The following SNRK variants were observed in gnomAD, a reference collection of about 807,000 sequenced individuals.
SNRK encodes the protein SNF-related serine/threonine-protein kinase.
In SNRK, 3 loss-of-function variants were observed where a neutral mutation model predicts 48.2. The observed-to-expected ratio is 0.06, with a 90% CI of 0.03 to 0.16. SNRK has a LOEUF of 0.16. Ranked by LOEUF, SNRK falls within the 10% of genes least tolerant of loss-of-function variation. The pLI is 1.00. For synonymous variants in SNRK, 376 were observed against 366.1 expected (o/e 1.03, Z -0.31); for missense variants, 627 against 976.0 (o/e 0.64, Z 4.76).
chr3:43,313,250 A>G (rs534238705), intron 3 of SNRK, among the ~76,000 whole-genome samples: 10 of 152,322 alleles, frequency 6.6e-5, no homozygotes, highest in Non-Finnish European at 1.5e-5. Context: ...TGTATTCACA[A>G]AAATCTGTAC....
chr3:43,324,624 G>T (rs566387815), intron 3 of SNRK, among the ~76,000 whole-genome samples: 51 of 152,052 alleles, frequency 3.4e-4, no homozygotes, highest in Middle Eastern at 3.2e-3. Flanking sequence ...ATATTTGAGA[G>T]AACTTTTCTA....
Position 43,303,199 on chromosome 3 carries a change from C to G in SNRK, c.-5C>G. ...TCTAAATATTTTTTCTTCTGTTGGA[C>G]CAGCATGGCAGGATTTAAGCGAGGG... On this transcript the variant is annotated 5_prime_UTR_variant, in exon 3 of 7. Transcript: ENST00000296088. This position sits in a 1 kb window ranked among gnomAD's most constrained non-coding sequence, Gnocchi z 6.2. The G allele has an allele frequency of 1.6e-5, 26 of 1,604,160 alleles. No individual in the cohort carries two copies. The highest frequency in any genetic ancestry group is 2.2e-5 in the Non-Finnish European group (26 of 1,172,578).
chr3:43,290,539 T>C (rs1351442495), intron 1 of SNRK, among the ~76,000 whole-genome samples: 1 of 152,210 alleles, frequency 6.6e-6, no homozygotes, highest in African/African-American at 2.4e-5. Context: ...ATGTGTCTCC[T>C]CCACAACATC....
At chr3:43,304,157 A>C (rs1161277776) in intron 3 of SNRK, among the ~76,000 whole-genome samples, 4 of 152,166 alleles carry the variant, frequency 2.6e-5, no homozygotes. Context: ...CAATCATTGG[A>C]GACCCATATT....
chr3:43,328,710 T>G (rs1384191121), intron 3 of SNRK, among the ~76,000 whole-genome samples: 1 of 152,200 alleles, frequency 6.6e-6, no homozygotes, highest in African/African-American at 2.4e-5. Flanking sequence ...TTACTAAGAA[T>G]AAGAAGCTTT....
At chr3:43,317,397 C>T (rs1019220800) in intron 3 of SNRK, among the ~76,000 whole-genome samples, 1 of 152,104 alleles carries the variant, frequency 6.6e-6, no homozygotes, top group African/African-American at 2.4e-5. Flanking sequence ...GGAGAGAATT[C>T]CTTGGGTCAG....
intron 6 of SNRK, among the ~76,000 whole-genome samples, chr3:43,346,231 TTAA>T (rs1351986085): frequency 1.3e-5 from 2 of 152,260 alleles, no homozygotes; most frequent in African/African-American, 4.8e-5. Flanking sequence ...AAATTTTTTT[TTAA>T]TGACAGGTTT....
chr3:43,289,533 C>T (rs986919284), intron 1 of SNRK, among the ~76,000 whole-genome samples: 2 of 152,166 alleles, frequency 1.3e-5, no homozygotes, highest in Admixed American at 6.5e-5. Flanking sequence ...AATGGCCTCA[C>T]GAGTGAGCAC....
chr3:43,345,788 A>G (rs2091271086), intron 6 of SNRK, among the ~76,000 whole-genome samples: 1 of 152,226 alleles, frequency 6.6e-6, no homozygotes, highest in African/African-American at 2.4e-5. Context: ...GAGTTGTCAA[A>G]TCAAGTAGCT....
chr3:43,312,631 T>C (rs1030968538), intron 3 of SNRK, among the ~76,000 whole-genome samples: 1 of 152,200 alleles, frequency 6.6e-6, no homozygotes, highest in Admixed American at 6.6e-5. Context: ...CTGAAAGTTA[T>C]ATAAAGATAG....
In SNRK at chr3:43,303,871, T is replaced by C; in HGVS notation, c.589+79T>C. The C allele has an allele frequency of 1.9e-6, 2 of 1,055,760 alleles. No homozygotes were observed. Among genetic ancestry groups the C allele is most frequent in the Non-Finnish European group, 2.8e-6 (2 of 719,510 alleles). The allele number at this position is 1,055,760 out of a possible 1,614,324, so 65.4% of individuals were successfully genotyped here. On this transcript the variant is annotated intron_variant, in intron 3 of 6. Coordinates refer to ENST00000296088, the MANE Select transcript of SNRK (RefSeq NM_017719.5). This position sits in a 1 kb window ranked among gnomAD's most constrained non-coding sequence, Gnocchi z 6.2. ...GTCAGATCGGTTGTTTATCTAAAAATGATTTCTAGAGAATTTCTGTTAAAT... is the reference window on the plus strand; with the variant it reads ...GTCAGATCGGTTGTTTATCTAAAAACGATTTCTAGAGAATTTCTGTTAAAT...
chr3:43,287,148 A>G (rs1317212309), intron 1 of SNRK, among the ~76,000 whole-genome samples: 1 of 152,062 alleles, frequency 6.6e-6, no homozygotes, highest in Non-Finnish European at 1.5e-5. Context: ...GGCCTCAGCA[A>G]AAGGGTTCCG....
At chr3:43,311,888 A>G (rs1559462853) in intron 3 of SNRK, among the ~76,000 whole-genome samples, 1 of 152,060 alleles carries the variant, frequency 6.6e-6, no homozygotes, top group Non-Finnish European at 1.5e-5. Flanking sequence ...GATACTTTAA[A>G]ATTTTCTTCA....
chr3:43,304,884 A>G (rs1202802191), intron 3 of SNRK, among the ~76,000 whole-genome samples: 4 of 152,194 alleles, frequency 2.6e-5, no homozygotes, highest in East Asian at 3.9e-4. Flanking sequence ...TCTGCCTACT[A>G]CAGATAACTA....
At chr3:43,309,592 G>C (rs2090963694) in intron 3 of SNRK, among the ~76,000 whole-genome samples, 1 of 149,586 alleles carries the variant, frequency 6.7e-6, no homozygotes, top group South Asian at 2.1e-4. Flanking sequence ...CTCATTGAAG[G>C]CTCATTTTTT....
chr3:43,337,685 A>C (rs968773117), intron 4 of SNRK, among the ~76,000 whole-genome samples: 1 of 152,118 alleles, frequency 6.6e-6, no homozygotes, highest in Non-Finnish European at 1.5e-5. Flanking sequence ...ATGGCTGGAG[A>C]GGCCTCAGGA....
At chr3:43,343,043 G>A (rs1456256559) in intron 5 of SNRK, among the ~76,000 whole-genome samples, 3 of 5,852 alleles carry the variant, frequency 5.1e-4, no homozygotes, top group Non-Finnish European at 8.8e-3. Context: ...TGAATAATGC[G>A]TGCACTTATC....
chr3:43,320,417 C>T (rs1446980648), intron 3 of SNRK, among the ~76,000 whole-genome samples: 1 of 152,184 alleles, frequency 6.6e-6, no homozygotes, highest in East Asian at 1.9e-4. Flanking sequence ...AGAGAAACAA[C>T]ATGGATTGGG....
chr3:43,338,937 C>T (rs373970997), intron 4 of SNRK, among the ~76,000 whole-genome samples: 14 of 152,134 alleles, frequency 9.2e-5, no homozygotes, highest in African/African-American at 3.4e-4. Flanking sequence ...AACACAGTTA[C>T]ATTTTACATC....
Sources: gnomAD v4.1 joint callset for allele counts (sites outside exome capture counted in the v4.1 genomes callset) on GRCh38, gnomAD v4.1.1 for gene constraint, Gnocchi (gnomAD v3.1) non-coding constraint, MANE v1.5 for transcripts, NCBI Gene and HGNC (gene_info 2026-07-23, HGNC 2026-07-21) for gene names.